Variants in GRIN2B observed in about 807,000 individuals in gnomAD.
GRIN2B encodes glutamate ionotropic receptor NMDA type subunit 2B.
In GRIN2B, 5 loss-of-function variants were observed where a neutral mutation model predicts 114.5. The ratio of observed to expected loss-of-function variants is 0.04; its 90% CI spans 0.02 to 0.09. GRIN2B has a LOEUF of 0.09. Ranked by LOEUF, GRIN2B falls within the 10% of genes least tolerant of loss-of-function variation. GRIN2B has a pLI of 1.00. For missense variants in GRIN2B, 1,108 were observed against 1,943.5 expected (o/e 0.57, Z 8.08); for synonymous variants, 787 against 745.1 (o/e 1.06, Z -0.92).
chr12:13,689,355 T>C (rs1000400615), intron 4 of GRIN2B, among the ~76,000 whole-genome samples: 1 of 152,234 alleles, frequency 6.6e-6, no homozygotes, highest in African/African-American at 2.4e-5. Flanking sequence ...GCCTGGCACA[T>C]AGTAGGCACT....
chr12:13,604,377 AT>A (rs1406854241), intron 10 of GRIN2B, among the ~76,000 whole-genome samples: 1 of 152,148 alleles, frequency 6.6e-6, no homozygotes, highest in African/African-American at 2.4e-5. Flanking sequence ...ATCTGAGTAC[AT>A]TTTTTTCTGC....
chr12:13,763,365 C>A (rs999096411), intron 3 of GRIN2B, among the ~76,000 whole-genome samples: 2 of 152,110 alleles, frequency 1.3e-5, no homozygotes, highest in Non-Finnish European at 2.9e-5. Context: ...CCTGTCTTTT[C>A]GTGTGCCTCC....
At chr12:13,964,850 G>A (rs369154264) in intron 2 of GRIN2B, among the ~76,000 whole-genome samples, 2 of 152,202 alleles carry the variant, frequency 1.3e-5, no homozygotes, top group East Asian at 1.9e-4. Context: ...AAGCTGACTC[G>A]CAGAACACCT....
At chr12:13,570,043 C>A (rs774967937) in intron 11 of GRIN2B, 26 bp from the exon 12 acceptor site, 4 of 1,545,388 alleles carry the variant, frequency 2.6e-6, no homozygotes, top group Non-Finnish European at 8.9e-7. Context: ...GCAAACAAAT[C>A]CAATGGAGGA....
Position 13,754,963 on chromosome 12 carries a change from C to G in GRIN2B, c.412-1048G>C, listed in dbSNP as rs78928222. On this transcript the variant is annotated intron_variant, in intron 3 of 13. Coordinates refer to ENST00000609686, the MANE Select transcript of GRIN2B (RefSeq NM_000834.5). ...CTCTCTACCTTTAGCTAGATGAGTCCGAAAACACAAAATGAACACCCTCTC... is the reference window on the plus strand; with the variant it reads ...CTCTCTACCTTTAGCTAGATGAGTCGGAAAACACAAAATGAACACCCTCTC... Among the ~76,000 whole-genome samples, 588 of 152,190 alleles carry G rather than the reference C, an allele frequency of 3.9e-3. 3 individuals are homozygous for G. The highest frequency in any genetic ancestry group is 0.013 in the African/African-American group (556 of 41,526).
At chr12:13,804,233 GTT>G (rs35452504) in intron 3 of GRIN2B, among the ~76,000 whole-genome samples, 18 of 143,772 alleles carry the variant, frequency 1.3e-4, no homozygotes, top group African/African-American at 3.6e-4. Context: ...TCTGTGGACT[GTT>G]TTTTTTTTTC....
intron 10 of GRIN2B, among the ~76,000 whole-genome samples, chr12:13,577,733 C>G (rs1433291036): frequency 6.6e-6 from 1 of 152,164 alleles, no homozygotes; most frequent in Non-Finnish European, 1.5e-5. Context: ...TAAAATACAT[C>G]CATTCATTTG....
At chr12:13,932,748 A>T (rs1867056557) in intron 2 of GRIN2B, among the ~76,000 whole-genome samples, 2 of 152,174 alleles carry the variant, frequency 1.3e-5, no homozygotes, top group South Asian at 4.1e-4. Flanking sequence ...AAGAACCAAA[A>T]GGTTGGGAGA....
In GRIN2B at chr12:13,563,879, T is replaced by C. The variant is rs1472899830; in HGVS notation, c.3359A>G (p.Lys1120Arg). 1 of 1,614,130 alleles carries C rather than the reference T, an allele frequency of 6.2e-7. No individual in the cohort carries two copies. The highest frequency in any genetic ancestry group is 1.1e-5 in the South Asian group (1 of 91,088). The change falls in exon 14 of 14, where the codon AAG (lysine) becomes AGG (arginine). Residue 1120 changes from lysine to arginine, a missense_variant. Physicochemically the swap from Lys to Arg is conservative, Grantham distance 26. Around this residue, in one of 19 missense-constraint regions of GRIN2B, gnomAD observed 478 missense variants for 506.0 expected, o/e 0.94. Transcript: ENST00000609686. ...RRRPPRSPDH[K>R]RYFRDKEGLR... ...CCCTTCCTTGTCCCTGAAGTAGCGC[T>C]TGTGGTCAGGGGAGCGGGGCGGTCG...
intron 3 of GRIN2B, among the ~76,000 whole-genome samples, chr12:13,835,009 C>A (rs975475123): frequency 2.1e-4 from 32 of 152,120 alleles, no homozygotes; most frequent in African/African-American, 7.2e-4. Flanking sequence ...TCTAATTGGC[C>A]TTCATGTGCC....
intron 10 of GRIN2B, among the ~76,000 whole-genome samples, chr12:13,602,524 T>C (rs1273046197): frequency 6.6e-6 from 1 of 152,206 alleles, no homozygotes; most frequent in African/African-American, 2.4e-5. Context: ...GTGGAAAGCA[T>C]GGCCCCATTT....
At chr12:13,871,217 G>A (rs1865900657) in intron 2 of GRIN2B, among the ~76,000 whole-genome samples, 1 of 151,760 alleles carries the variant, frequency 6.6e-6, no homozygotes, top group Admixed American at 6.6e-5. Flanking sequence ...ATAGAACAGA[G>A]AATAGATGTT....
rs143088289 is a variant in GRIN2B at position 13,886,521 on chromosome 12, C to T, written c.-18-20295G>A. 4.3e-3 allele frequency among the ~76,000 whole-genome samples: 654 copies of T among 152,150 alleles called. 4 individuals are homozygous for T. The highest frequency in any genetic ancestry group is 0.015 in the African/African-American group (623 of 41,496). ...ATCATTTGGGGTGATGGATTTTGAA[C>T]AGAGGAGTATTGATGAACAAGCAGG... On this transcript the variant is annotated intron_variant, in intron 2 of 13. Transcript: ENST00000609686.
At chr12:13,640,795 T>C (rs910175692) in intron 5 of GRIN2B, among the ~76,000 whole-genome samples, 9 of 152,088 alleles carry the variant, frequency 5.9e-5, no homozygotes, top group African/African-American at 2.2e-4. Context: ...GTGATTGAGA[T>C]GGAGCCTAGG....
Position 13,564,428 on chromosome 12 carries a change from T to A in GRIN2B, c.2810A>T (p.His937Leu). ...GTCAGAATGCGTGAAGCTGCGGCGGTGCTCTGAGATGTCATAGACGGATGA... is the reference window on the plus strand; with the variant it reads ...GTCAGAATGCGTGAAGCTGCGGCGGAGCTCTGAGATGTCATAGACGGATGA... Reference protein sequence around the residue: ...RESSVYDISEHRRSFTHSDCK... With the variant: ...RESSVYDISELRRSFTHSDCK... Residue 937 changes from histidine (H) to leucine (L), a missense_variant, in exon 14 of 14, where the codon CAC becomes CTC. His to Leu is a moderately conservative substitution (Grantham distance 99). Coordinates refer to ENST00000609686, the MANE Select transcript of GRIN2B (RefSeq NM_000834.5). This position sits in a 1 kb window ranked among gnomAD's most constrained non-coding sequence, Gnocchi z 4.8. The A allele has an allele frequency of 1.9e-6, 3 of 1,614,234 alleles. No individual in the cohort carries two copies. Among genetic ancestry groups the A allele is most frequent in the Non-Finnish European group, 2.5e-6 (3 of 1,180,034 alleles).
chr12:13,567,602 A>G, intron 12 of GRIN2B, among the ~76,000 whole-genome samples: 1 of 152,296 alleles, frequency 6.6e-6, no homozygotes, highest in Admixed American at 6.5e-5. Flanking sequence ...AGGTAACAAG[A>G]GTCCAAATTG....
intron 13 of GRIN2B, 65 bp downstream of exon 13, chr12:13,566,960 G>T: frequency 9.0e-7 from 1 of 1,107,712 alleles, no homozygotes; most frequent in Non-Finnish European, 1.4e-6. Flanking sequence ...GGTTCTCTCT[G>T]CTTTGCACAG....
intron 2 of GRIN2B, among the ~76,000 whole-genome samples, chr12:13,889,694 A>C (rs919825270): frequency 1.4e-4 from 22 of 152,180 alleles, no homozygotes; most frequent in African/African-American, 5.3e-4. Context: ...TTTTCCCCCG[A>C]AACTATCATG....
At chr12:13,752,364 A>G (rs190876605) in intron 4 of GRIN2B, among the ~76,000 whole-genome samples, 2 of 152,366 alleles carry the variant, frequency 1.3e-5, no homozygotes, top group Admixed American at 1.3e-4. Context: ...TATATGTAAC[A>G]TTGTGTATTT....
Sources: gnomAD v4.1 joint callset for allele counts (sites outside exome capture counted in the v4.1 genomes callset) on GRCh38, gnomAD v4.1.1 for gene constraint, gnomAD v4.1.1 regional missense constraint, Gnocchi (gnomAD v3.1) non-coding constraint, MANE v1.5 for transcripts, NCBI Gene and HGNC (gene_info 2026-07-23, HGNC 2026-07-21) for gene names.